Variants in KIAA1217 observed in about 807,000 individuals in gnomAD.
KIAA1217 encodes sickle tail protein homolog.
Under a neutral mutation model 163.9 loss-of-function variants are expected in KIAA1217, and 88 were observed. The ratio of observed to expected loss-of-function variants is 0.54; its 90% CI spans 0.45 to 0.64. The LOEUF is 0.64. Among genes scored for constraint, KIAA1217 ranks in the 30% least tolerant of loss-of-function variants. The pLI, the probability that KIAA1217 is intolerant of heterozygous loss-of-function variation, is 0.00. For missense variants in KIAA1217, 2,372 were observed against 2,475.0 expected (o/e 0.96, Z 0.88); for synonymous variants, 903 against 923.1 (o/e 0.98, Z 0.39).
At chr10:24,363,819 A>G (rs756771912) in intron 2 of KIAA1217, among the ~76,000 whole-genome samples, 3 of 151,848 alleles carry the variant, frequency 2.0e-5, no homozygotes, top group African/African-American at 4.8e-5. Flanking sequence ...CACTCAGCCC[A>G]CCTTAGCCTC....
intron 6 of KIAA1217, among the ~76,000 whole-genome samples, chr10:24,474,673 G>A (rs1461856624): frequency 6.6e-6 from 1 of 152,178 alleles, no homozygotes; most frequent in Admixed American, 6.5e-5. Context: ...ACTCTCTGGG[G>A]ACTTGAATTT....
intron 2 of KIAA1217, among the ~76,000 whole-genome samples, chr10:24,127,721 C>T (rs2063516545): frequency 6.6e-6 from 1 of 152,090 alleles, no homozygotes; most frequent in African/African-American, 2.4e-5. Context: ...ATTTTTATGA[C>T]ATGTCAAAGA....
In KIAA1217 at chr10:24,546,209, T is replaced by A; in HGVS notation, c.5717T>A (p.Leu1906Gln). ...CCTTCTCCTGCCTCCTCCGTCTCAC[T>A]GAATCAAGGTGCCAAGGGCACCAGG... ...SPPSPASSVS[L>Q]NQGAKGTRTI... is the part of the protein sequence containing the mutation. The change falls in exon 21 of 21, where the codon CTG (leucine) becomes CAG (glutamine). Residue 1906 changes from leucine to glutamine, a missense_variant. Physicochemically the swap from Leu to Gln is moderately radical, Grantham distance 113. This residue lies in a region of KIAA1217 where 690 missense variants were observed against 677.5 expected (regional missense o/e 1.02). Coordinates refer to ENST00000376454, the MANE Select transcript of KIAA1217 (RefSeq NM_019590.5). 1.2e-6 allele frequency: 2 copies of A among 1,614,172 alleles called. No homozygotes were observed. The highest frequency in any genetic ancestry group is 1.7e-6 in the Non-Finnish European group (2 of 1,180,032).
At chr10:23,880,851 T>C (rs940754005) in intron 1 of KIAA1217, among the ~76,000 whole-genome samples, 7 of 151,998 alleles carry the variant, frequency 4.6e-5, no homozygotes, top group African/African-American at 1.7e-4. Context: ...CAGGTTTAGT[T>C]TGAGACCAGC....
In KIAA1217 at chr10:24,157,880, G is replaced by C. The variant is rs118128148; in HGVS notation, c.-170-61746G>C. On this transcript the variant is annotated intron_variant, in intron 2 of 18. Coordinates refer to the KIAA1217 transcript ENST00000376462. ...ACTCCAGGTGCCTGCATTAGGATCT[G>C]AACCAATGATGCTGGCTTCATCTCC... 170 of 635,274 alleles carry C rather than the reference G, an allele frequency of 2.7e-4. 1 individual carries two copies. The East Asian group carries it at 4.4e-3, about 16-fold the overall frequency. 39.4% of individuals were successfully genotyped at this position (635,274 alleles called of 1,614,324 possible).
chr10:23,852,811 CTG>C (rs1350888355), intron 1 of KIAA1217, among the ~76,000 whole-genome samples: 2 of 152,138 alleles, frequency 1.3e-5, no homozygotes, highest in Non-Finnish European at 2.9e-5. Flanking sequence ...ATTTGGCTCT[CTG>C]TTTGTCTGTT....
At position 23,956,126 on chromosome 10, in the gene KIAA1217, G is replaced by A. The variant is rs572100087; in HGVS notation, c.-320-51099G>A. Among the ~76,000 whole-genome samples, 219 of 152,212 alleles carry A rather than the reference G, an allele frequency of 1.4e-3. 3 individuals carry two copies. Among genetic ancestry groups the A allele is most frequent in the African/African-American group, 4.9e-3 (203 of 41,536 alleles). On this transcript the variant is annotated intron_variant, in intron 1 of 18. Transcript: ENST00000376462. ...AATAACTCTCAAAGTTCTTTTTTTA[G>A]GTGAGTCCATAAGGGAGCTGCAACT...
chr10:24,254,487 C>T (rs926391604), intron 2 of KIAA1217, among the ~76,000 whole-genome samples: 1 of 152,156 alleles, frequency 6.6e-6, no homozygotes, highest in Non-Finnish European at 1.5e-5. Context: ...GGGCTGCAGG[C>T]CATACCATTA....
intron 6 of KIAA1217, among the ~76,000 whole-genome samples, chr10:24,491,996 G>A (rs756147400): frequency 2.0e-5 from 3 of 151,904 alleles, no homozygotes; most frequent in South Asian, 2.1e-4. Context: ...CAGTAAAGTG[G>A]TACATCTCAA....
chr10:24,185,412 C>G (rs1202452390), intron 2 of KIAA1217, among the ~76,000 whole-genome samples: 2 of 152,196 alleles, frequency 1.3e-5, no homozygotes, highest in Non-Finnish European at 2.9e-5. Context: ...TATTTTGTTA[C>G]TTTTAATTTA....
chr10:23,735,197 G>A (rs1018012184), intron 1 of KIAA1217, among the ~76,000 whole-genome samples: 12 of 152,066 alleles, frequency 7.9e-5, no homozygotes, highest in African/African-American at 2.4e-4. Flanking sequence ...AGTATTCAGA[G>A]CTTCAATTTA....
intron 1 of KIAA1217, among the ~76,000 whole-genome samples, chr10:23,897,608 T>C (rs184815873): frequency 2.0e-3 from 298 of 152,156 alleles, no homozygotes; most frequent in Non-Finnish European, 3.3e-3. Context: ...GTATTGAATG[T>C]GCTCTTATAT....
intron 1 of KIAA1217, among the ~76,000 whole-genome samples, chr10:23,874,628 T>A (rs28589968): frequency 0.014 from 2,100 of 152,064 alleles, 66 homozygotes; most frequent in African/African-American, 0.048. Context: ...TCATTTGGAG[T>A]TCTTTTTTAA....
intron 1 of KIAA1217, among the ~76,000 whole-genome samples, chr10:23,766,091 T>C (rs1834504390): frequency 6.6e-6 from 1 of 152,178 alleles, no homozygotes; most frequent in African/African-American, 2.4e-5. Context: ...TAATTAGCAA[T>C]GATTTTAATA....
intron 1 of KIAA1217, among the ~76,000 whole-genome samples, chr10:23,916,968 C>CAAAA (rs72049753): frequency 0.051 from 4,110 of 79,860 alleles, 298 homozygotes; most frequent in African/African-American, 0.16. Flanking sequence ...GAGATTCTCT[C>CAAAA]AAAAAAAAAA....
At chr10:24,241,135 C>T (rs961434670) in intron 2 of KIAA1217, among the ~76,000 whole-genome samples, 1 of 152,180 alleles carries the variant, frequency 6.6e-6, no homozygotes, top group Admixed American at 6.5e-5. Flanking sequence ...GCTTGAGCCA[C>T]TGCACCCGGC....
At chr10:23,840,355 C>G in intron 1 of KIAA1217, among the ~76,000 whole-genome samples, 1 of 152,056 alleles carries the variant, frequency 6.6e-6, no homozygotes, top group East Asian at 1.9e-4. Context: ...GGGGTTTCAC[C>G]ATGTTGGCCA....
intron 2 of KIAA1217, among the ~76,000 whole-genome samples, chr10:24,318,725 A>T (rs1386950034): frequency 6.6e-6 from 1 of 152,044 alleles, no homozygotes; most frequent in Non-Finnish European, 1.5e-5. Context: ...TTCCGCTTTG[A>T]TTTTTCTGCA....
chr10:24,070,260 A>G (rs1433694066), intron 2 of KIAA1217, among the ~76,000 whole-genome samples: 1 of 152,042 alleles, frequency 6.6e-6, no homozygotes, highest in Non-Finnish European at 1.5e-5. Flanking sequence ...TATTTGAAAG[A>G]TAATGGCTGA....
Sources: gnomAD v4.1 joint callset for allele counts (sites outside exome capture counted in the v4.1 genomes callset) on GRCh38, gnomAD v4.1.1 for gene constraint, gnomAD v4.1.1 regional missense constraint, MANE v1.5 for transcripts, NCBI Gene and HGNC (gene_info 2026-07-23, HGNC 2026-07-21) for gene names.